PDE9A: variants seen among roughly 807,000 people sequenced by gnomAD.
The protein encoded by PDE9A is high affinity cGMP-specific 3',5'-cyclic phosphodiesterase 9A.
Under a neutral mutation model 87.4 loss-of-function variants are expected in PDE9A, and 60 were observed. The observed-to-expected ratio is 0.69, with a 90% confidence interval of 0.56 to 0.85. The LOEUF is 0.85. Among genes scored for constraint, PDE9A ranks in the 40% least tolerant of loss-of-function variants. The probability of loss-of-function intolerance (pLI) is 0.00; values close to 1 mark genes in which losing one functional copy is unlikely to be tolerated. For missense variants in PDE9A, 665 were observed against 779.0 expected, an observed-to-expected ratio of 0.85 and a Z score of 1.74; for synonymous variants, 272 against 279.4, an observed-to-expected ratio of 0.97 and a Z score of 0.27.
intron 1 of PDE9A, among the ~76,000 whole-genome samples, chr21:42,666,384 T>C (rs747125992): frequency 6.6e-6 from 1 of 152,146 alleles, no homozygotes; most frequent in Non-Finnish European, 1.5e-5. Flanking sequence ...AGCTGGCTTG[T>C]TTCTGGATGA....
intron 8 of PDE9A, among the ~76,000 whole-genome samples, chr21:42,750,290 A>G (rs771680576): frequency 1.3e-5 from 2 of 152,232 alleles, no homozygotes; most frequent in Non-Finnish European, 2.9e-5. Flanking sequence ...GCAAGACCCT[A>G]TCTCTACAAA....
Position 42,749,183 on chromosome 21 carries a change from G to A in PDE9A, c.654-1933G>A, listed in dbSNP as rs542269699. ...ATAGATATGTGGGCTTAAAGGATAC[G>A]AATTTCTATATGGCTCTTACTGGGC... On this transcript the variant is annotated intron_variant, in intron 8 of 19. Coordinates refer to ENST00000291539, the MANE Select transcript of PDE9A (RefSeq NM_002606.3). Among the ~76,000 whole-genome samples the A allele has an allele frequency of 5.3e-5, 8 of 152,292 alleles. No homozygotes were observed. In the East Asian group the frequency reaches 1.2e-3, roughly 22 times the overall value.
At position 42,718,193 on chromosome 21, in the gene PDE9A, G is replaced by A. The variant is rs559773889; in HGVS notation, c.263-13577G>A. Among the ~76,000 whole-genome samples, 69 of 151,780 alleles carry A rather than the reference G, an allele frequency of 4.5e-4. 1 individual carries two copies. The highest frequency in any genetic ancestry group is 8.0e-4 in the Non-Finnish European group (54 of 67,906). ...TAGGATTACAGGCGTGAGCCACTGT[G>A]CCCAGGCCTCTGGCTGTTTTCAAGC... On this transcript the variant is annotated intron_variant, in intron 4 of 19. Transcript: ENST00000291539.
At chr21:42,729,383 T>G (rs2051485655) in intron 4 of PDE9A, among the ~76,000 whole-genome samples, 1 of 152,234 alleles carries the variant, frequency 6.6e-6, no homozygotes, top group Non-Finnish European at 1.5e-5. Context: ...TTCCCTCTAA[T>G]TGTTTCTTTG....
intron 4 of PDE9A, among the ~76,000 whole-genome samples, chr21:42,730,905 T>C (rs772001033): frequency 3.3e-5 from 5 of 152,230 alleles, no homozygotes; most frequent in Non-Finnish European, 7.3e-5. Flanking sequence ...CTGAGCCCCA[T>C]TGCCAAGTTG....
rs1001849448 is a variant in PDE9A, at chr21:42,758,756, G to A, written c.811-243G>A. On this transcript the variant is annotated intron_variant, in intron 10 of 19. Transcript: ENST00000291539. Reference sequence around the variant, plus strand: ...TCCACGCCCCAGGATCCACCTGCCAGGAGACCCCCAGTGTGCTCTCAAACC... The same window carrying A: ...TCCACGCCCCAGGATCCACCTGCCAAGAGACCCCCAGTGTGCTCTCAAACC... 13 of 460,424 alleles carry A rather than the reference G, an allele frequency of 2.8e-5. No homozygotes were observed. The East Asian group carries it at 4.8e-4, about 17-fold the overall frequency. The allele number at this position is 460,424 out of a possible 1,614,324, so 28.5% of individuals were successfully genotyped here. A position where few individuals can be genotyped will look rare whatever the true frequency, so the allele number is the denominator to read the frequency against.
In PDE9A at chr21:42,675,120, A is replaced by C. The variant is rs1397913202; in HGVS notation, c.70-11072A>C. Among the ~76,000 whole-genome samples the C allele has an allele frequency of 6.6e-6, 1 of 152,186 alleles. No individual in the cohort carries two copies. Among genetic ancestry groups the C allele is most frequent in the Non-Finnish European group, 1.5e-5 (1 of 68,038 alleles). ...GTTTAGGAGTGTGTAAGTGCGTGTA[A>C]GTGTGTGTCTGGCTTTCTTTCACAT... On this transcript the variant is annotated intron_variant, in intron 1 of 19. Transcript: ENST00000291539. This position sits in a 1 kb window ranked among gnomAD's most constrained non-coding sequence, Gnocchi z 4.3.
intron 1 of PDE9A, among the ~76,000 whole-genome samples, chr21:42,679,887 C>A (rs561878156): frequency 6.6e-6 from 1 of 152,198 alleles, no homozygotes; most frequent in Non-Finnish European, 1.5e-5. Flanking sequence ...GTGTGCCAGT[C>A]AAGATGCTTC....
At chr21:42,751,231 G>C in intron 9 of PDE9A, 34 bp downstream of exon 9, 1 of 1,476,442 alleles carries the variant, frequency 6.8e-7, no homozygotes. Flanking sequence ...AGAAGCTGCA[G>C]CTGTGTCCCC....
chr21:42,656,126 C>T (rs555066353), intron 1 of PDE9A, among the ~76,000 whole-genome samples: 4 of 152,320 alleles, frequency 2.6e-5, no homozygotes, highest in South Asian at 2.1e-4. Flanking sequence ...GAATTTCCAG[C>T]GTGAATCTGT....
At chr21:42,771,124 A>C (rs1215913882) in intron 18 of PDE9A, among the ~76,000 whole-genome samples, 1 of 152,220 alleles carries the variant, frequency 6.6e-6, no homozygotes, top group Non-Finnish European at 1.5e-5. Flanking sequence ...CCGTTAGAGC[A>C]TCTGGGACCC....
rs2059911016 is a variant in PDE9A, at chr21:42,692,627, G to A, written c.218+4633G>A. ...TCTGCAGCAGAAAGCCAGGCTTTCT[G>A]CAGGTTCCCAGTGAGGAGGACGAGG... On this transcript the variant is annotated intron_variant, in intron 3 of 19. Coordinates refer to ENST00000291539, the MANE Select transcript of PDE9A (RefSeq NM_002606.3). The surrounding 1 kb of genome is among the most constrained non-coding windows in gnomAD (Gnocchi z 4.3). Among the ~76,000 whole-genome samples, 1 of 152,120 alleles carries A rather than the reference G, an allele frequency of 6.6e-6. No homozygotes were observed. Among genetic ancestry groups the A allele is most frequent in the Non-Finnish European group, 1.5e-5 (1 of 68,006 alleles).
In PDE9A at chr21:42,689,611, G is replaced by C. The variant is rs56350349; in HGVS notation, c.218+1617G>C. On this transcript the variant is annotated intron_variant, in intron 3 of 19. Transcript: ENST00000291539. Reference sequence around the variant, plus strand: ...TTTTCCTGAAGTCATTTGAAACAGCGTGCAGAGACATTTAAACTCGGCGGG... The same window carrying C: ...TTTTCCTGAAGTCATTTGAAACAGCCTGCAGAGACATTTAAACTCGGCGGG... 5.1e-6 allele frequency: 5 copies of C among 985,252 alleles called. No individual in the cohort carries two copies. The East Asian group carries it at 3.4e-4, about 67-fold the overall frequency. 61.0% of individuals were successfully genotyped at this position (985,252 alleles called of 1,614,324 possible). A position where few individuals can be genotyped will look rare whatever the true frequency, so the allele number is the denominator to read the frequency against.
chr21:42,683,423 AT>A (rs1276181695), intron 1 of PDE9A, among the ~76,000 whole-genome samples: 1 of 152,230 alleles, frequency 6.6e-6, no homozygotes, highest in African/African-American at 2.4e-5. Context: ...TCCAGGGGGC[AT>A]TGGAGTAAAA....
At chr21:42,741,774 C>T (rs2053300670) in intron 7 of PDE9A, 1 of 152,144 alleles carries the variant, frequency 6.6e-6, no homozygotes. Flanking sequence ...AGTTTCTTTC[C>T]GGAGCTGCAG....
intron 7 of PDE9A, among the ~76,000 whole-genome samples, chr21:42,740,731 G>A (rs1315568224): frequency 7.1e-6 from 1 of 141,544 alleles, no homozygotes; most frequent in Non-Finnish European, 1.5e-5. Context: ...TAGATAGATA[G>A]ATAGATAGAT....
chr21:42,725,845 T>A (rs1183498594), intron 4 of PDE9A, among the ~76,000 whole-genome samples: 1 of 152,198 alleles, frequency 6.6e-6, no homozygotes, highest in Non-Finnish European at 1.5e-5. Context: ...TCCGCGTACA[T>A]CATCTCTCTG....
rs13048676 is a variant in PDE9A at position 42,723,700 on chromosome 21, A to C, written c.263-8070A>C. Among the ~76,000 whole-genome samples the C allele has an allele frequency of 0.045, 6,831 of 152,170 alleles. 271 individuals are homozygous for C. Among genetic ancestry groups the C allele is most frequent in the African/African-American group, 0.1 (4,170 of 41,500 alleles). ...CTGTGAATATCAGCTTGCTCTCCCT[A>C]GGTTTCCATCACATGGATCAGCGAG... On this transcript the variant is annotated intron_variant, in intron 4 of 19. Coordinates refer to ENST00000291539, the MANE Select transcript of PDE9A (RefSeq NM_002606.3). This position sits in a 1 kb window ranked among gnomAD's most constrained non-coding sequence, Gnocchi z 4.3.
chr21:42,749,631 A>G (rs1300311957), intron 8 of PDE9A, among the ~76,000 whole-genome samples: 1 of 152,242 alleles, frequency 6.6e-6, no homozygotes, highest in Admixed American at 6.5e-5. Flanking sequence ...CAGAAAACTC[A>G]TCTGCTAACA....
Sources: allele counts gnomAD v4.1 joint callset (sites outside exome capture counted in the v4.1 genomes callset), GRCh38; gene constraint gnomAD v4.1.1; non-coding constraint Gnocchi (gnomAD v3.1); transcripts MANE v1.5; gene names NCBI Gene and HGNC (gene_info 2026-07-23, HGNC 2026-07-21).